Variants in PIGN observed in about 807,000 individuals in gnomAD.
The protein encoded by PIGN is phosphatidylinositol glycan anchor biosynthesis class N, also known as GPI ethanolamine phosphate transferase 1.
PIGN carries 117 observed loss-of-function variants against 125.4 expected under a neutral mutation model. That is an observed-to-expected ratio of 0.93 (90% confidence interval 0.80 to 1.09). The LOEUF is 1.09. Ranked by LOEUF, PIGN falls within the 50% of genes least tolerant of loss-of-function variation. PIGN has a pLI of 0.00. For missense variants in PIGN, 1,075 were observed against 1,094.9 expected (o/e 0.98, Z 0.26); for synonymous variants, 392 against 377.8 (o/e 1.04, Z -0.44).
chr18:62,061,481 C>T (rs1446410710), intron 30 of PIGN, among the ~76,000 whole-genome samples: 32 of 66,576 alleles, frequency 4.8e-4, no homozygotes, highest in Admixed American at 2.3e-3. Flanking sequence ...GTCCGCATTC[C>T]GGCCTGGGCG....
chr18:62,063,274 ATGGTTTTATAGATTTTAGC>A (rs2032300754), intron 30 of PIGN, among the ~76,000 whole-genome samples: 7 of 147,952 alleles, frequency 4.7e-5, no homozygotes, highest in African/African-American at 1.7e-4. Context: ...GCCAAAATCT[ATGGTTTTATAGATTTTAGC>A]CAAAATCTAT....
chr18:62,174,630 A>G (rs2037456626), intron 1 of PIGN, among the ~76,000 whole-genome samples: 1 of 152,188 alleles, frequency 6.6e-6, no homozygotes, highest in Non-Finnish European at 1.5e-5. Context: ...AGACACATTT[A>G]CTTTTAACCA....
intron 28 of PIGN, 94 bp from the exon 29 acceptor site, chr18:62,074,915 T>C (rs1199864556): frequency 6.4e-6 from 5 of 778,010 alleles, no homozygotes; most frequent in Non-Finnish European, 1.1e-5. Flanking sequence ...AATAACCTAG[T>C]ATTGTTGGTA....
intron 7 of PIGN, among the ~76,000 whole-genome samples, chr18:62,150,651 T>G (rs757735175): frequency 2.0e-5 from 3 of 151,818 alleles, no homozygotes; most frequent in Non-Finnish European, 2.9e-5. Flanking sequence ...GAAAGTAGAA[T>G]GGTGGTTGCC....
intron 1 of PIGN, among the ~76,000 whole-genome samples, chr18:62,177,763 A>G (rs573329274): frequency 2.6e-5 from 4 of 152,296 alleles, no homozygotes; most frequent in African/African-American, 9.6e-5. Flanking sequence ...GTTTATGGTC[A>G]TTAAAGTCTC....
intron 30 of PIGN, among the ~76,000 whole-genome samples, chr18:62,059,722 T>C (rs933523346): frequency 5.9e-5 from 9 of 152,270 alleles, no homozygotes; most frequent in African/African-American, 2.2e-4. Context: ...TAGATTGTGA[T>C]GGTTGCACAA....
intron 30 of PIGN, among the ~76,000 whole-genome samples, chr18:62,046,735 A>T (rs1055847146): frequency 6.6e-6 from 1 of 152,172 alleles, no homozygotes; most frequent in African/African-American, 2.4e-5. Context: ...AGGGAATAAT[A>T]GAAAGAATAG....
At position 62,041,669 on chromosome 18, in the gene PIGN, GT is replaced by G. The variant is rs1228359730; in HGVS notation, c.*4186del. On this transcript the variant is annotated 3_prime_UTR_variant, in exon 31 of 31. Transcript: ENST00000640252. ...TGTGTGTGTGTGTGTGTGTGTGTGT[GT>G]GTGTGTGTGTGTGTGTGTGTGTGTG... 1.4e-5 allele frequency: 2 copies of G among 145,742 alleles called. No homozygotes were observed. Among genetic ancestry groups the G allele is most frequent in the African/African-American group, 5.2e-5 (2 of 38,160 alleles). The allele number at this position is 145,742 out of a possible 1,614,324, so 9.0% of individuals were successfully genotyped here. A position where few individuals can be genotyped will look rare whatever the true frequency, so the allele number is the denominator to read the frequency against.
intron 23 of PIGN, among the ~76,000 whole-genome samples, chr18:62,093,714 A>G (rs1412395385): frequency 6.6e-6 from 1 of 152,112 alleles, no homozygotes; most frequent in African/African-American, 2.4e-5. Context: ...TACTGCTGCT[A>G]TATTTCTATA....
intron 30 of PIGN, chr18:62,072,313 T>C (rs2032926503): frequency 6.0e-6 from 1 of 165,934 alleles, no homozygotes; most frequent in South Asian, 2.0e-4. Flanking sequence ...AATAACTCAC[T>C]GACTCACCCA....
In PIGN at chr18:62,161,183, A is replaced by T; in HGVS notation, c.171T>A (p.Asp57Glu). The change falls in exon 4 of 31, where the codon GAT becomes GAA. Residue 57 changes from aspartate (D) to glutamate (E), a missense_variant. Asp to Glu is a conservative substitution (Grantham distance 45, BLOSUM62 2). Coordinates refer to ENST00000640252, the MANE Select transcript of PIGN (RefSeq NM_176787.5). Reference protein sequence around the residue: ...VLFVADGLRADALYELDENGN... With the variant: ...VLFVADGLRAEALYELDENGN... The stretch of plus-strand genomic sequence containing the variant: ...CATTTTCATCTAATTCGTAAAGTGC[A>T]TCTGCTCGAAGGCCATCAGCAACAA... 1 of 1,613,956 alleles carries T rather than the reference A, an allele frequency of 6.2e-7. No individual in the cohort carries two copies. The highest frequency in any genetic ancestry group is 8.5e-7 in the Non-Finnish European group (1 of 1,179,834).
At chr18:62,038,713 A>G (rs1465285206), downstream of PIGN, among the ~76,000 whole-genome samples, 2 of 152,140 alleles carry the variant, frequency 1.3e-5, no homozygotes, top group African/African-American at 2.4e-5. Flanking sequence ...GGCAGATTGC[A>G]TGAGCCCAGG....
At chr18:62,159,496 T>A (rs2036862531) in intron 4 of PIGN, among the ~76,000 whole-genome samples, 1 of 152,240 alleles carries the variant, frequency 6.6e-6, no homozygotes, top group African/African-American at 2.4e-5. Context: ...AACTAAGAAA[T>A]TCACCCAAAT....
At chr18:62,138,734 G>A (rs1045488102) in intron 13 of PIGN, among the ~76,000 whole-genome samples, 1 of 152,138 alleles carries the variant, frequency 6.6e-6, no homozygotes, top group African/African-American at 2.4e-5. Flanking sequence ...GAATTGACTT[G>A]TAGTCTTTGT....
intron 1 of PIGN, among the ~76,000 whole-genome samples, chr18:62,165,901 T>C (rs545571567): frequency 3.4e-4 from 52 of 152,156 alleles, no homozygotes; most frequent in South Asian, 2.5e-3. Context: ...GTTTGAAAAG[T>C]AAATGGGAGG....
At position 62,107,104 on chromosome 18, in the gene PIGN, CTGAT is replaced by C. The variant is rs1568182119; in HGVS notation, c.1575-23_1575-20del. On this transcript the variant is annotated intron_variant, in intron 17 of 30. Transcript: ENST00000640252. ...TTGAAATCTGTTTCAAATAAAAAGACTGATTGAATTTTAAAGTTAGGTCATACAT... is the reference window on the plus strand; with the variant it reads ...TTGAAATCTGTTTCAAATAAAAAGACTGAATTTTAAAGTTAGGTCATACAT... 2 of 1,481,882 alleles carry C rather than the reference CTGAT, an allele frequency of 1.3e-6. No homozygotes were observed. The highest frequency in any genetic ancestry group is 2.4e-5 in the South Asian group (2 of 82,844). 91.8% of individuals were successfully genotyped at this position (1,481,882 alleles called of 1,614,324 possible).
chr18:62,043,570 C>A lies in PIGN; in HGVS notation c.*2286G>T, dbSNP rs2144956277. On this transcript the variant is annotated 3_prime_UTR_variant, in exon 31 of 31. Coordinates refer to ENST00000640252, the MANE Select transcript of PIGN (RefSeq NM_176787.5). Reference sequence around the variant, plus strand: ...TTAATAAATAATTATAAAGACATTACTATGAAAATATACAATCATTTATAA... The same window carrying A: ...TTAATAAATAATTATAAAGACATTAATATGAAAATATACAATCATTTATAA... 6.6e-6 allele frequency: 1 copy of A among 152,188 alleles called. No homozygotes were observed. The highest frequency in any genetic ancestry group is 2.1e-4 in the South Asian group (1 of 4,814). The allele number at this position is 152,188 out of a possible 1,614,324, so 9.4% of individuals were successfully genotyped here.
At position 62,161,126 on chromosome 18, in the gene PIGN, T is replaced by C; in HGVS notation, c.221+7A>G. On this transcript the variant is annotated splice_region_variant and intron_variant, in intron 4 of 30. Coordinates refer to ENST00000640252, the MANE Select transcript of PIGN (RefSeq NM_176787.5). ...AGAGATGTCTCTGTATCAGTTTACA[T>C]GCTTACCTAATAAACGGTGCTCTAG... The C allele has an allele frequency of 6.3e-7, 1 of 1,574,966 alleles. No homozygotes were observed. Among genetic ancestry groups the C allele is most frequent in the Non-Finnish European group, 8.7e-7 (1 of 1,145,540 alleles).
At chr18:62,027,837 G>A (rs923609233) in intron 23 of PIGN, among the ~76,000 whole-genome samples, 2 of 151,988 alleles carry the variant, frequency 1.3e-5, no homozygotes, top group East Asian at 1.9e-4. Flanking sequence ...AGCCTGGGAG[G>A]TCAAGGCAGC....
Sources: gnomAD v4.1 joint callset for allele counts (sites outside exome capture counted in the v4.1 genomes callset) on GRCh38, gnomAD v4.1.1 for gene constraint, MANE v1.5 for transcripts, NCBI Gene and HGNC (gene_info 2026-07-23, HGNC 2026-07-21) for gene names.